Variants in LRP4 observed in about 807,000 individuals in gnomAD.
LRP4 encodes the protein LDL receptor related protein 4, also known as low-density lipoprotein receptor-related protein 4.
In LRP4, 95 loss-of-function variants were observed where a neutral mutation model predicts 220.3. That is an observed-to-expected ratio of 0.43 (90% CI 0.37 to 0.51). LRP4 has a LOEUF of 0.51. Ranked by LOEUF, LRP4 falls within the 20% of genes least tolerant of loss-of-function variation. The pLI, the probability that LRP4 is intolerant of heterozygous loss-of-function variation, is 0.00. For missense variants in LRP4, 1,925 were observed against 2,567.0 expected, an observed-to-expected ratio of 0.75 and a Z score of 5.40; for synonymous variants, 903 against 954.6, an observed-to-expected ratio of 0.95 and a Z score of 1.00.
rs1940743549 is a variant in LRP4 at position 46,867,786 on chromosome 11, C to A, written c.5087+193G>T. ...TTAAAGTTGTTCTTAAAGCTTCTTG[C>A]CCTCAGAGCTAAAAAGGGAATCACT... is the stretch of plus-strand genomic sequence containing the variant. On this transcript the variant is annotated intron_variant, in intron 34 of 37. Coordinates refer to ENST00000378623, the MANE Select transcript of LRP4 (RefSeq NM_002334.4). 2.0e-5 allele frequency among the ~76,000 whole-genome samples: 3 copies of A among 152,188 alleles called. No individual in the cohort carries two copies. In the South Asian group the frequency reaches 6.2e-4, roughly 31 times the overall value.
chr11:46,865,093 G>A (rs757118324), intron 35 of LRP4, 26 bp downstream of exon 35: 19 of 1,549,844 alleles, frequency 1.2e-5, no homozygotes, highest in African/African-American at 2.7e-5. Flanking sequence ...CTTCTTTTCC[G>A]GAACAGTGGG....
In LRP4 at chr11:46,886,324, C is replaced by T; in HGVS notation, c.2424+1G>A. The T allele has an allele frequency of 6.3e-7, 1 of 1,584,510 alleles. No individual in the cohort carries two copies. Among genetic ancestry groups the T allele is most frequent in the Non-Finnish European group, 8.6e-7 (1 of 1,164,092 alleles). On this transcript the variant is annotated splice_donor_variant, in intron 17 of 37. Coordinates refer to ENST00000378623, the MANE Select transcript of LRP4 (RefSeq NM_002334.4). LOFTEE classifies it high-confidence loss of function. Reference sequence around the variant, plus strand: ...TTCAACCTCCCCACGCTGGGCCCTACCTCCTGTCCTGTTCCATCCCACTTG... The same window carrying T: ...TTCAACCTCCCCACGCTGGGCCCTATCTCCTGTCCTGTTCCATCCCACTTG...
chr11:46,892,779 A>G (rs1427758737), intron 13 of LRP4, among the ~76,000 whole-genome samples, 194 bp downstream of exon 13: 1 of 152,200 alleles, frequency 6.6e-6, no homozygotes, highest in Non-Finnish European at 1.5e-5. Flanking sequence ...CATGTTGGCC[A>G]GGCTGGTCTC....
rs777522999 is a variant in LRP4 at position 46,895,943 on chromosome 11, G to GC, written c.1123dup (p.Ala375GlyfsTer24). The GC allele has an allele frequency of 3.1e-6, 5 of 1,613,896 alleles. No individual in the cohort carries two copies. Among genetic ancestry groups the GC allele is most frequent in the East Asian group, 2.2e-5 (1 of 44,884 alleles). On this transcript the variant is annotated frameshift_variant, in exon 10 of 38. Coordinates refer to ENST00000378623, the MANE Select transcript of LRP4 (RefSeq NM_002334.4). LOFTEE classifies it high-confidence loss of function. ...GCCTGTGTGGCAGGTACACTGCACT[G>GC]CCCCCCGCACCATCTGGCACTTCTG...
chr11:46,858,831 A>T lies in LRP4; in HGVS notation c.*152T>A. On this transcript the variant is annotated 3_prime_UTR_variant, in exon 38 of 38. Coordinates refer to ENST00000378623, the MANE Select transcript of LRP4 (RefSeq NM_002334.4). The stretch of plus-strand genomic sequence containing the variant: ...ACAGGTAGTTATGGACTCACGTGGT[A>T]AACAGCTCCGGTGAAGGCTTAGGAA... The T allele has an allele frequency of 4.0e-6, 3 of 751,818 alleles. No homozygotes were observed. The highest frequency in any genetic ancestry group is 7.0e-6 in the Non-Finnish European group (3 of 425,960). The allele number at this position is 751,818 out of a possible 1,614,324, so 46.6% of individuals were successfully genotyped here.
In LRP4 at chr11:46,892,952, G is replaced by A. The variant is rs1157697934; in HGVS notation, c.1697+21C>T. On this transcript the variant is annotated intron_variant, in intron 13 of 37. Coordinates refer to ENST00000378623, the MANE Select transcript of LRP4 (RefSeq NM_002334.4). ...TCCCGAGAGGTTGCAAGAAAGTTCG[G>A]GAGCCTGAGATACAACTTACCCCTC... The A allele has an allele frequency of 4.3e-6, 7 of 1,611,426 alleles. No individual in the cohort carries two copies. In the African/African-American group the frequency reaches 8.0e-5, roughly 18 times the overall value.
chr11:46,882,025 T>G, intron 19 of LRP4, 122 bp from the exon 20 acceptor site: 1 of 892,366 alleles, frequency 1.1e-6, no homozygotes, highest in Non-Finnish European at 1.8e-6. Context: ...GCCTCCTGCA[T>G]CAGTGTCCAG....
rs150634911 is a variant in LRP4 at position 46,870,678 on chromosome 11, A to G, written c.4692+847T>C. 6.3e-3 allele frequency among the ~76,000 whole-genome samples: 953 copies of G among 152,338 alleles called. 7 individuals are homozygous for G. Among genetic ancestry groups the G allele is most frequent in the Non-Finnish European group, 9.8e-3 (667 of 68,026 alleles). ...TGGGCTCAAGTGATACTCTGGCCTC[A>G]GCCAGAGTGCTGTGATTACAGGCAT... On this transcript the variant is annotated intron_variant, in intron 31 of 37. Coordinates refer to ENST00000378623, the MANE Select transcript of LRP4 (RefSeq NM_002334.4).
chr11:46,867,886 C>T lies in LRP4; in HGVS notation c.5087+93G>A, dbSNP rs1940745655. ...ACTGGTAGCTCCTGACATAATCTAT[C>T]TCCCAACTGCCTTATCAAGCTGGGA... On this transcript the variant is annotated intron_variant, in intron 34 of 37. Coordinates refer to ENST00000378623, the MANE Select transcript of LRP4 (RefSeq NM_002334.4). 2.7e-6 allele frequency: 4 copies of T among 1,477,010 alleles called. No individual in the cohort carries two copies. In the South Asian group the frequency reaches 4.7e-5, roughly 17 times the overall value. The allele number at this position is 1,477,010 out of a possible 1,614,324, so 91.5% of individuals were successfully genotyped here.
At chr11:46,885,741 T>G (rs1170057717) in intron 18 of LRP4, among the ~76,000 whole-genome samples, 5 of 123,736 alleles carry the variant, frequency 4.0e-5, no homozygotes, top group African/African-American at 1.6e-4. Flanking sequence ...ACCACTGCAC[T>G]CCAGCCTGGC....
chr11:46,873,006 G>A lies in LRP4; in HGVS notation c.4583+94C>T, dbSNP rs1940910190. 1 of 1,534,118 alleles carries A rather than the reference G, an allele frequency of 6.5e-7. No homozygotes were observed. The highest frequency in any genetic ancestry group is 9.0e-7 in the Non-Finnish European group (1 of 1,109,994). On this transcript the variant is annotated intron_variant, in intron 30 of 37. Coordinates refer to ENST00000378623, the MANE Select transcript of LRP4 (RefSeq NM_002334.4). The surrounding 1 kb of genome is among the most constrained non-coding windows in gnomAD (Gnocchi z 4.2). ...ATTCCTCTTCCCCACATACCAAGAA[G>A]CTTTCTATCTTTTCATTTTTCCAAG...
At chr11:46,889,148 G>T (rs548994640) in intron 16 of LRP4, among the ~76,000 whole-genome samples, 2 of 152,208 alleles carry the variant, frequency 1.3e-5, no homozygotes, top group African/African-American at 2.4e-5. Context: ...AGGCAATCCT[G>T]CCTGGTAAAA....
At chr11:46,894,917 A>C in intron 11 of LRP4, 98 bp from the exon 12 acceptor site, 1 of 1,139,528 alleles carries the variant, frequency 8.8e-7, no homozygotes, top group African/African-American at 1.5e-5. Flanking sequence ...CCACTTGCTC[A>C]CAAGGACATG....
chr11:46,900,439 T>G (rs1471434214), intron 2 of LRP4, 61 bp from the exon 3 acceptor site: 2 of 998,024 alleles, frequency 2.0e-6, no homozygotes, highest in South Asian at 2.5e-5. Context: ...CAGGCTCAAC[T>G]AGGCCAGATA....
rs1940866674 is a variant in LRP4 at position 46,871,621 on chromosome 11, C to T, written c.4596G>A (p.Val1532=). ...TCTCGATCCGGTCCAGATGCGCATC[C>T]ACCCAGTAGATCCTGCGAAGAAAAT... The part of the protein sequence containing the change: ...LDYDTRRIYW[V]DAHLDRIESA... The change falls in exon 31 of 38, where the codon GTG becomes GTA. Residue 1532 remains valine, a synonymous_variant. Coordinates refer to ENST00000378623, the MANE Select transcript of LRP4 (RefSeq NM_002334.4). 4 of 1,610,234 alleles carry T rather than the reference C, an allele frequency of 2.5e-6. No individual in the cohort carries two copies. The Admixed American group carries it at 5.0e-5, about 20-fold the overall frequency.
intron 1 of LRP4, among the ~76,000 whole-genome samples, chr11:46,908,403 A>AATTG (rs1565805630): frequency 6.6e-6 from 1 of 152,074 alleles, no homozygotes; most frequent in Non-Finnish European, 1.5e-5. Flanking sequence ...AATTGCAATT[A>AATTG]CTTTTGCGCC....
intron 7 of LRP4, 107 bp from the exon 8 acceptor site, chr11:46,897,101 C>T (rs1487145436): frequency 1.1e-5 from 15 of 1,412,458 alleles, no homozygotes; most frequent in East Asian, 4.6e-5. Context: ...CTCTTGACAC[C>T]GGGATCACAG....
chr11:46,891,132 A>G (rs1941412729), intron 13 of LRP4, among the ~76,000 whole-genome samples: 1 of 151,396 alleles, frequency 6.6e-6, no homozygotes, highest in Admixed American at 6.6e-5. Flanking sequence ...ATTTTCTTTT[A>G]TTTTTGAGAC....
intron 1 of LRP4, among the ~76,000 whole-genome samples, chr11:46,910,464 A>G (rs1339713827): frequency 6.6e-6 from 1 of 152,186 alleles, no homozygotes; most frequent in Non-Finnish European, 1.5e-5. Context: ...TGTTATTACT[A>G]TTAAAGATTT....
Sources: allele counts gnomAD v4.1 joint callset (sites outside exome capture counted in the v4.1 genomes callset), GRCh38; gene constraint gnomAD v4.1.1; non-coding constraint Gnocchi (gnomAD v3.1); transcripts MANE v1.5; gene names NCBI Gene and HGNC (gene_info 2026-07-23, HGNC 2026-07-21).